The following ACOXL variants were observed in gnomAD, a reference collection of about 807,000 sequenced individuals.
The protein encoded by ACOXL is acyl-CoA oxidase like.
Under a neutral mutation model 71.9 loss-of-function variants are expected in ACOXL, and 70 were observed. That is an observed-to-expected ratio of 0.97 (90% CI 0.80 to 1.19). ACOXL has a LOEUF of 1.19. ACOXL is among the 50% of genes most tolerant of loss of function. ACOXL has a pLI of 0.00. For missense variants in ACOXL, 703 were observed against 736.3 expected, an observed-to-expected ratio of 0.95 and a Z score of 0.52; for synonymous variants, 253 against 281.6, an observed-to-expected ratio of 0.90 and a Z score of 1.02.
At chr2:110,977,874 T>C (rs1412391755) in intron 12 of ACOXL, among the ~76,000 whole-genome samples, 1 of 152,228 alleles carries the variant, frequency 6.6e-6, no homozygotes, top group African/African-American at 2.4e-5. Flanking sequence ...CTAAGTAGTA[T>C]ACACAGATCA....
At chr2:110,815,202 C>G (rs569801452) in intron 9 of ACOXL, among the ~76,000 whole-genome samples, 1 of 152,286 alleles carries the variant, frequency 6.6e-6, no homozygotes, top group East Asian at 1.9e-4. Context: ...CACTCACTAT[C>G]ATGAGAACAG....
intron 16 of ACOXL, among the ~76,000 whole-genome samples, chr2:111,079,460 G>A (rs947996331): frequency 6.6e-6 from 1 of 152,134 alleles, no homozygotes; most frequent in Admixed American, 6.6e-5. Flanking sequence ...AACTTTCTGG[G>A]GCTGCTTTCC....
chr2:110,842,478 T>C (rs571738096), intron 10 of ACOXL, among the ~76,000 whole-genome samples: 3 of 152,314 alleles, frequency 2.0e-5, no homozygotes, highest in African/African-American at 7.2e-5. Flanking sequence ...TTATTTAATA[T>C]AAGTTTTATA....
At position 110,805,284 on chromosome 2, in the gene ACOXL, T is replaced by C. The variant is rs1396346790; in HGVS notation, c.642T>C (p.Asp214=). The C allele has an allele frequency of 6.2e-7, 1 of 1,614,170 alleles. No homozygotes were observed. The highest frequency in any genetic ancestry group is 8.5e-7 in the Non-Finnish European group (1 of 1,180,014). ...ACAGGTTTGGTTCCGTGGCTCCAGA[T>C]GGACAGTACCATTCGCCTATTAGGA... ...LLDKFGSVAP[D]GQYHSPIRNK... is the part of the protein sequence containing the mutation. The change falls in exon 9 of 18, where the codon GAT becomes GAC. Residue 214 remains aspartate (D), a synonymous_variant. Coordinates refer to ENST00000439055, the MANE Select transcript of ACOXL (RefSeq NM_001142807.4).
At chr2:110,747,749 T>C (rs1288474568) in intron 1 of ACOXL, among the ~76,000 whole-genome samples, 5 of 152,092 alleles carry the variant, frequency 3.3e-5, no homozygotes, top group East Asian at 1.9e-4. Flanking sequence ...AAGAAATGTT[T>C]TTGTGTTTTT....
chr2:110,941,950 G>T (rs2060883172), intron 12 of ACOXL, among the ~76,000 whole-genome samples: 1 of 152,098 alleles, frequency 6.6e-6, no homozygotes, highest in South Asian at 2.1e-4. Context: ...ATCTTTAAAA[G>T]ATAACTGCTT....
intron 17 of ACOXL, chr2:111,114,108 G>A (rs2070172175): frequency 6.6e-6 from 1 of 152,646 alleles, no homozygotes; most frequent in South Asian, 2.1e-4. Flanking sequence ...CTGTGGGCAG[G>A]CAGCCTGGAC....
At chr2:111,068,993 G>A (rs1025812248) in intron 16 of ACOXL, among the ~76,000 whole-genome samples, 11 of 152,112 alleles carry the variant, frequency 7.2e-5, no homozygotes, top group Non-Finnish European at 1.3e-4. Flanking sequence ...AAAATGTTCC[G>A]TGGTCATTGC....
chr2:110,970,265 G>A (rs1371332232), intron 12 of ACOXL, among the ~76,000 whole-genome samples: 2 of 152,162 alleles, frequency 1.3e-5, no homozygotes, highest in East Asian at 3.8e-4. Context: ...ATTGAATCTG[G>A]TAATGCACAA....
chr2:111,109,004 G>A (rs2069754216), intron 17 of ACOXL, among the ~76,000 whole-genome samples: 1 of 152,098 alleles, frequency 6.6e-6, no homozygotes, highest in Non-Finnish European at 1.5e-5. Context: ...TATCGGCTCA[G>A]CCCATCTGTC....
intron 16 of ACOXL, among the ~76,000 whole-genome samples, chr2:111,059,072 A>C (rs1028793591): frequency 3.9e-5 from 6 of 152,182 alleles, no homozygotes; most frequent in Admixed American, 1.3e-4. Flanking sequence ...CTCTACAAAA[A>C]ATTCTAAAAA....
At chr2:110,980,589 T>A (rs2149522996) in intron 12 of ACOXL, among the ~76,000 whole-genome samples, 1 of 152,244 alleles carries the variant, frequency 6.6e-6, no homozygotes, top group South Asian at 2.1e-4. Context: ...GGTCAGAAAT[T>A]CTAACAGGAA....
intron 12 of ACOXL, chr2:110,968,130 T>G (rs746729470): frequency 6.9e-5 from 93 of 1,340,792 alleles, no homozygotes; most frequent in Non-Finnish European, 9.5e-5. Flanking sequence ...CTGCAGAGTA[T>G]TGTACTGGCC....
intron 16 of ACOXL, among the ~76,000 whole-genome samples, chr2:111,071,934 T>C (rs1409843265): frequency 6.6e-6 from 1 of 152,112 alleles, no homozygotes; most frequent in Non-Finnish European, 1.5e-5. Flanking sequence ...CGTGTTGTGG[T>C]CAGGGAGAAA....
chr2:110,802,224 CT>C (rs113354048), intron 8 of ACOXL, among the ~76,000 whole-genome samples: 268 of 152,224 alleles, frequency 1.8e-3, no homozygotes, highest in Non-Finnish European at 2.3e-3. Context: ...CTTCCCCCCC[CT>C]GCCATTACAA....
At chr2:110,908,740 C>T in intron 10 of ACOXL, 49 bp from the exon 11 acceptor site, 1 of 1,448,190 alleles carries the variant, frequency 6.9e-7, no homozygotes, top group South Asian at 1.2e-5. Flanking sequence ...ATGAAGTTAC[C>T]TCCCGCTCCT....
At chr2:110,940,883 T>C (rs2149367143) in intron 12 of ACOXL, among the ~76,000 whole-genome samples, 1 of 152,358 alleles carries the variant, frequency 6.6e-6, no homozygotes, top group African/African-American at 2.4e-5. Context: ...GGTAGACACG[T>C]GCAGAGTACA....
chr2:111,110,214 A>AG (rs2069849004), intron 17 of ACOXL, among the ~76,000 whole-genome samples: 2 of 152,124 alleles, frequency 1.3e-5, no homozygotes, highest in African/African-American at 4.8e-5. Context: ...GGTTAGGGTC[A>AG]GGGTCTAGTC....
chr2:111,103,798 C>T (rs1395205942), intron 17 of ACOXL, among the ~76,000 whole-genome samples: 1 of 151,776 alleles, frequency 6.6e-6, no homozygotes, highest in Non-Finnish European at 1.5e-5. Context: ...TTTAAGAGAA[C>T]CATAAATTCA....
Sources: allele counts gnomAD v4.1 joint callset (sites outside exome capture counted in the v4.1 genomes callset), GRCh38; gene constraint gnomAD v4.1.1; transcripts MANE v1.5; gene names NCBI Gene and HGNC (gene_info 2026-07-23, HGNC 2026-07-21).